KIF21A: variants seen among roughly 807,000 people sequenced by gnomAD.
The protein encoded by KIF21A is kinesin-like protein KIF21A.
A neutral mutation model predicts 202.9 loss-of-function variants in KIF21A; 114 were observed. The ratio of observed to expected loss-of-function variants is 0.56; its 90% confidence interval spans 0.48 to 0.66. KIF21A has a LOEUF of 0.66. Ranked by LOEUF, KIF21A falls within the 30% of genes least tolerant of loss-of-function variation. KIF21A has a pLI of 0.00. For missense variants in KIF21A, 1,677 were observed against 1,994.9 expected, an observed-to-expected ratio of 0.84 and a Z score of 3.04; for synonymous variants, 667 against 670.8, an observed-to-expected ratio of 0.99 and a Z score of 0.09.
At chr12:39,360,290 TTATTA>T (rs1949108510) in intron 7 of KIF21A, among the ~76,000 whole-genome samples, 1 of 152,112 alleles carries the variant, frequency 6.6e-6, no homozygotes. Flanking sequence ...CTTAAATATT[TTATTA>T]TATTGTATAT....
chr12:39,299,545 A>G (rs11171683), intron 37 of KIF21A, among the ~76,000 whole-genome samples: 95,024 of 151,996 alleles, frequency 0.63, 31,839 homozygotes, highest in East Asian at 0.87. Flanking sequence ...GCAGTGTGGC[A>G]ATTCCTCAAA....
chr12:39,346,549 G>C (rs1947910723), intron 11 of KIF21A, 45 bp from the exon 12 acceptor site: 1 of 1,334,090 alleles, frequency 7.5e-7, no homozygotes, highest in Admixed American at 3.0e-5. Flanking sequence ...AGCCAATGAA[G>C]GACAAACCAG....
At chr12:39,430,702 C>T (rs533172061) in intron 1 of KIF21A, among the ~76,000 whole-genome samples, 57 of 152,034 alleles carry the variant, frequency 3.7e-4, no homozygotes, top group African/African-American at 1.4e-3. Context: ...CATGTCAATC[C>T]CATACTGCTA....
Position 39,299,552 on chromosome 12 carries a change from C to T in KIF21A, c.4931+1928G>A, listed in dbSNP as rs184933228. On this transcript the variant is annotated intron_variant, in intron 37 of 37. Coordinates refer to ENST00000361418, the MANE Select transcript of KIF21A (RefSeq NM_001173464.2). ...TGTGGAAAGCAGTGTGGCAATTCCT[C>T]AAAGAGCTAAAAACAGAACTACCAT... Among the ~76,000 whole-genome samples, 235 of 152,242 alleles carry T rather than the reference C, an allele frequency of 1.5e-3. 1 individual carries two copies. Among genetic ancestry groups the T allele is most frequent in the Middle Eastern group, 6.8e-3 (2 of 294 alleles).
chr12:39,393,887 C>T (rs1951546843), intron 1 of KIF21A, among the ~76,000 whole-genome samples: 1 of 152,052 alleles, frequency 6.6e-6, no homozygotes, highest in Non-Finnish European at 1.5e-5. Flanking sequence ...TCACAATAAA[C>T]CATCCAATTT....
chr12:39,419,251 G>A, intron 1 of KIF21A, among the ~76,000 whole-genome samples: 2 of 152,096 alleles, frequency 1.3e-5, no homozygotes, highest in Non-Finnish European at 2.9e-5. Flanking sequence ...ATAAACTTTA[G>A]AGCCACAAGG....
intron 1 of KIF21A, among the ~76,000 whole-genome samples, chr12:39,419,908 T>C (rs971452197): frequency 1.3e-5 from 2 of 151,936 alleles, no homozygotes; most frequent in African/African-American, 4.8e-5. Context: ...ACATCCCATC[T>C]CAGTATGTCC....
At chr12:39,361,568 A>C (rs866638224) in intron 7 of KIF21A, among the ~76,000 whole-genome samples, 26 of 88,874 alleles carry the variant, frequency 2.9e-4, no homozygotes, top group East Asian at 8.7e-4. Flanking sequence ...GTCTCCCAGG[A>C]TGGAGTGCAG....
rs867880865 is a variant in KIF21A, at chr12:39,409,713, T to C, written c.44+33214A>G. On this transcript the variant is annotated intron_variant, in intron 1 of 37. Transcript: ENST00000361418. The stretch of plus-strand genomic sequence containing the variant: ...GGCGACTTTGCAGATATGACTACAT[T>C]AGGGATCTTGAGATGGAGAGATTTT... 7.2e-5 allele frequency among the ~76,000 whole-genome samples: 11 copies of C among 152,254 alleles called. No individual in the cohort carries two copies. In the South Asian group the frequency reaches 2.3e-3, roughly 32 times the overall value.
chr12:39,293,733 GAA>G lies in KIF21A; in HGVS notation c.*689_*690del, dbSNP rs34373131. 96 of 139,310 alleles carry G rather than the reference GAA, an allele frequency of 6.9e-4. No homozygotes were observed. The highest frequency in any genetic ancestry group is 3.8e-3 in the Middle Eastern group (1 of 266). The allele number at this position is 139,310 out of a possible 1,614,324, so 8.6% of individuals were successfully genotyped here. ...ATCACAGAATATATGCACAGCACTG[GAA>G]AAAAAAAAAAAAATTAACAGCATTT... is the stretch of plus-strand genomic sequence containing the variant. On this transcript the variant is annotated 3_prime_UTR_variant, in exon 38 of 38. Transcript: ENST00000361418.
intron 7 of KIF21A, 135 bp from the exon 8 acceptor site, chr12:39,358,508 C>T: frequency 1.3e-6 from 1 of 782,940 alleles, no homozygotes; most frequent in Non-Finnish European, 2.1e-6. Flanking sequence ...TTAAAAGCCC[C>T]TGTACTTGAA....
intron 1 of KIF21A, among the ~76,000 whole-genome samples, chr12:39,387,687 G>T (rs1951044804): frequency 6.6e-6 from 1 of 152,114 alleles, no homozygotes. Context: ...TGGGCCATTA[G>T]TAGATGGCAA....
At chr12:39,419,849 A>G (rs576216270) in intron 1 of KIF21A, among the ~76,000 whole-genome samples, 11 of 152,152 alleles carry the variant, frequency 7.2e-5, no homozygotes, top group Non-Finnish European at 1.2e-4. Context: ...CAGAAATTGA[A>G]GACCTAAAAG....
rs536517286 is a variant in KIF21A at position 39,392,118 on chromosome 12, T to C, written c.45-21857A>G. ...GCACAAGTCAGGGGATAAGACACAG[T>C]AAATGTGGAAGGAAAAATCAGCAGG... On this transcript the variant is annotated intron_variant, in intron 1 of 37. Transcript: ENST00000361418. Among the ~76,000 whole-genome samples, 9 of 152,028 alleles carry C rather than the reference T, an allele frequency of 5.9e-5. No individual in the cohort carries two copies. The South Asian group carries it at 1.2e-3, about 21-fold the overall frequency.
rs10632410 is a variant in KIF21A at position 39,389,179 on chromosome 12, T to TACACACAC, written c.45-18926_45-18919dup. 5.6e-3 allele frequency among the ~76,000 whole-genome samples: 801 copies of TACACACAC among 142,154 alleles called. 8 individuals carry two copies. The highest frequency in any genetic ancestry group is 0.014 in the African/African-American group (547 of 39,702). 93.3% of individuals were successfully genotyped at this position (142,154 alleles called of 152,430 possible). A position where few individuals can be genotyped will look rare whatever the true frequency, so the allele number is the denominator to read the frequency against. On this transcript the variant is annotated intron_variant, in intron 1 of 37. Coordinates refer to ENST00000361418, the MANE Select transcript of KIF21A (RefSeq NM_001173464.2). ...TTAATATTTATTCAGTAAATACACATACACACACACACACACACACACACA... is the reference window on the plus strand; with the variant it reads ...TTAATATTTATTCAGTAAATACACATACACACACACACACACACACACACACACACACA...
intron 17 of KIF21A, among the ~76,000 whole-genome samples, chr12:39,334,372 T>C (rs1193477968): frequency 6.6e-6 from 1 of 152,134 alleles, no homozygotes; most frequent in Non-Finnish European, 1.5e-5. Flanking sequence ...TTCTGTTATT[T>C]AACAAATAAT....
chr12:39,417,926 G>T (rs1255319012), intron 1 of KIF21A, among the ~76,000 whole-genome samples: 2 of 152,010 alleles, frequency 1.3e-5, no homozygotes, highest in Admixed American at 6.6e-5. Context: ...GCAAAGAATT[G>T]GCTGGGTGCA....
At chr12:39,299,416 C>G (rs146287283) in intron 37 of KIF21A, among the ~76,000 whole-genome samples, 273 of 152,254 alleles carry the variant, frequency 1.8e-3, no homozygotes, top group Non-Finnish European at 3.2e-3. Context: ...CCATCTCACA[C>G]CAGTCAAAAT....
At chr12:39,431,822 T>C (rs975420337) in intron 1 of KIF21A, among the ~76,000 whole-genome samples, 14 of 152,200 alleles carry the variant, frequency 9.2e-5, no homozygotes, top group Admixed American at 9.2e-4. Flanking sequence ...TAGATAAGAA[T>C]ATTATCAAGG....
Sources: gnomAD v4.1 joint callset for allele counts (sites outside exome capture counted in the v4.1 genomes callset) on GRCh38, gnomAD v4.1.1 for gene constraint, MANE v1.5 for transcripts, NCBI Gene and HGNC (gene_info 2026-07-23, HGNC 2026-07-21) for gene names.